The following APBA1 variants were observed in gnomAD, a reference collection of about 807,000 sequenced individuals.
APBA1 encodes the protein amyloid beta precursor protein binding family A member 1, also known as amyloid-beta A4 precursor protein-binding family A member 1.
A neutral mutation model predicts 86.6 loss-of-function variants in APBA1; 55 were observed. The ratio of observed to expected loss-of-function variants is 0.64; its 90% CI spans 0.51 to 0.80. APBA1 has a LOEUF of 0.80. Ranked by LOEUF, APBA1 falls within the 30% of genes least tolerant of loss-of-function variation. The pLI, the probability that APBA1 is intolerant of heterozygous loss-of-function variation, is 0.00. For missense variants in APBA1, 1,090 were observed against 1,183.0 expected (o/e 0.92, Z 1.15); for synonymous variants, 511 against 493.9 (o/e 1.03, Z -0.46).
chr9:69,653,551 CAT>C (rs1588413757), intron 1 of APBA1, among the ~76,000 whole-genome samples: 1 of 152,170 alleles, frequency 6.6e-6, no homozygotes, highest in African/African-American at 2.4e-5. Context: ...GGATAGACCA[CAT>C]GTTAAGTCAC....
At chr9:69,671,667 G>A (rs932332127) in intron 1 of APBA1, among the ~76,000 whole-genome samples, 5 of 152,134 alleles carry the variant, frequency 3.3e-5, no homozygotes. Flanking sequence ...CTATCCCACT[G>A]CCTCCCTCCA....
intron 1 of APBA1, among the ~76,000 whole-genome samples, chr9:69,552,970 C>A (rs1410394977): frequency 1.4e-5 from 2 of 144,128 alleles, no homozygotes; most frequent in Non-Finnish European, 3.0e-5. Flanking sequence ...GTGGCACAAT[C>A]TCAGATCATT....
At chr9:69,636,559 G>A (rs1344497582) in intron 1 of APBA1, among the ~76,000 whole-genome samples, 1 of 151,894 alleles carries the variant, frequency 6.6e-6, no homozygotes, top group African/African-American at 2.4e-5. Flanking sequence ...ACTTTGGGAG[G>A]CTGAGGCGAG....
intron 10 of APBA1, among the ~76,000 whole-genome samples, chr9:69,441,858 C>T (rs984275526): frequency 1.1e-4 from 16 of 152,292 alleles, no homozygotes; most frequent in African/African-American, 3.8e-4. Flanking sequence ...AGCTGATCTT[C>T]GACTATAAAA....
Position 69,450,326 on chromosome 9 carries a change from G to A in APBA1, c.1969-530C>T, listed in dbSNP as rs111717773. ...ATGCTGAAGTTATCACAACCAAAAG[G>A]CTGGGTGTGCACACAGGAAGTGCAT... On this transcript the variant is annotated intron_variant, in intron 9 of 12. Coordinates refer to ENST00000265381, the MANE Select transcript of APBA1 (RefSeq NM_001163.4). Among the ~76,000 whole-genome samples the A allele has an allele frequency of 2.6e-3, 403 of 152,212 alleles. 2 individuals are homozygous for A. The highest frequency in any genetic ancestry group is 9.0e-3 in the African/African-American group (372 of 41,520).
At chr9:69,432,874 C>T (rs773975761) in intron 11 of APBA1, among the ~76,000 whole-genome samples, 198 bp from the exon 12 acceptor site, 5 of 152,182 alleles carry the variant, frequency 3.3e-5, no homozygotes, top group Admixed American at 6.5e-5. Context: ...CTTGTTCATG[C>T]GGCTTGCACA....
intron 8 of APBA1, 119 bp downstream of exon 8, chr9:69,456,128 C>G: frequency 8.7e-7 from 1 of 1,143,082 alleles, no homozygotes; most frequent in Non-Finnish European, 1.3e-6. Flanking sequence ...GGAACAGTGC[C>G]TGACACACAG....
chr9:69,637,893 A>G (rs1329390172), intron 1 of APBA1, among the ~76,000 whole-genome samples: 2 of 152,248 alleles, frequency 1.3e-5, no homozygotes, highest in Non-Finnish European at 2.9e-5. Flanking sequence ...GGAAGGCAGG[A>G]CATATGAAAT....
intron 1 of APBA1, among the ~76,000 whole-genome samples, chr9:69,634,189 C>T (rs1429291952): frequency 6.6e-6 from 1 of 152,212 alleles, no homozygotes; most frequent in Non-Finnish European, 1.5e-5. Flanking sequence ...CATCCCCTGG[C>T]AACGACCATG....
chr9:69,435,509 T>C (rs1298805368), intron 11 of APBA1, among the ~76,000 whole-genome samples: 1 of 152,192 alleles, frequency 6.6e-6, no homozygotes, highest in Non-Finnish European at 1.5e-5. Context: ...AGATGGTATC[T>C]CATTGTGGTT....
chr9:69,660,755 A>G (rs1048347050), intron 1 of APBA1, among the ~76,000 whole-genome samples: 3 of 152,240 alleles, frequency 2.0e-5, no homozygotes, highest in African/African-American at 7.2e-5. Flanking sequence ...TTTCTTGGGC[A>G]TATAGAATAT....
At position 69,627,541 on chromosome 9, in the gene APBA1, G is replaced by A. The variant is rs1458019728; in HGVS notation, c.-70+44612C>T. On this transcript the variant is annotated intron_variant, in intron 1 of 12. Transcript: ENST00000265381. Reference sequence around the variant, plus strand: ...TCTGATGGTGTGTGTGTGCCATCTGGGTGTCAATTTGTTGTGATAACCTAA... The same window carrying A: ...TCTGATGGTGTGTGTGTGCCATCTGAGTGTCAATTTGTTGTGATAACCTAA... Among the ~76,000 whole-genome samples the A allele has an allele frequency of 2.0e-5, 3 of 152,154 alleles. No individual in the cohort carries two copies. The East Asian group carries it at 5.8e-4, about 29-fold the overall frequency.
At position 69,431,231 on chromosome 9, in the gene APBA1, G is replaced by A. The variant is rs529811156; in HGVS notation, c.*96C>T. On this transcript the variant is annotated 3_prime_UTR_variant, in exon 13 of 13. Transcript: ENST00000265381. ...CTGTGTAAAACCAAATGCTGGGCGC[G>A]AGAGGGGAAAGTCTCAGTGGACACA... 1.5e-4 allele frequency: 134 copies of A among 920,120 alleles called. No individual in the cohort carries two copies. In the African/African-American group the frequency reaches 1.9e-3, roughly 13 times the overall value. The allele number at this position is 920,120 out of a possible 1,614,324, so 57.0% of individuals were successfully genotyped here.
At chr9:69,482,105 G>A (rs1835520584) in intron 2 of APBA1, among the ~76,000 whole-genome samples, 1 of 151,780 alleles carries the variant, frequency 6.6e-6, no homozygotes, top group Non-Finnish European at 1.5e-5. Context: ...GGCAACAAAA[G>A]CCAAAATGGA....
rs367746529 is a variant in APBA1, at chr9:69,527,316, G to A, written c.-69-10037C>T. On this transcript the variant is annotated intron_variant, in intron 1 of 12. Coordinates refer to ENST00000265381, the MANE Select transcript of APBA1 (RefSeq NM_001163.4). ...TTAATATTATTATTTCCTAAATAAG[G>A]CTATGTAGGGTTGGAAAACAAGCAG... Among the ~76,000 whole-genome samples, 59 of 152,142 alleles carry A rather than the reference G, an allele frequency of 3.9e-4. No individual in the cohort carries two copies. The South Asian group carries it at 9.8e-3, about 25-fold the overall frequency.
At chr9:69,604,100 C>T (rs1382145412) in intron 1 of APBA1, among the ~76,000 whole-genome samples, 3 of 152,306 alleles carry the variant, frequency 2.0e-5, no homozygotes, top group East Asian at 3.9e-4. Context: ...ATAGTGAGGA[C>T]AAGTCTCAAA....
At chr9:69,434,101 C>T (rs1024727862) in intron 11 of APBA1, among the ~76,000 whole-genome samples, 3 of 152,224 alleles carry the variant, frequency 2.0e-5, no homozygotes, top group African/African-American at 4.8e-5. Context: ...ACTCAAATAC[C>T]AAACTGTTCG....
chr9:69,458,160 T>A lies in APBA1; in HGVS notation c.1511A>T (p.Lys504Met), dbSNP rs762770097. 53 of 1,612,038 alleles carry A rather than the reference T, an allele frequency of 3.3e-5. No homozygotes were observed. The Admixed American group carries it at 5.2e-4, about 16-fold the overall frequency. The change falls in exon 6 of 13, where the codon AAG (lysine) becomes ATG (methionine). Residue 504 changes from lysine to methionine, a missense_variant. Around this residue, in one of 6 missense-constraint regions of APBA1, gnomAD observed 76 missense variants for 122.2 expected, o/e 0.62. Coordinates refer to ENST00000265381, the MANE Select transcript of APBA1 (RefSeq NM_001163.4). Reference protein sequence around the residue: ...KMAQKLAKSRKKAPEGESQPM... With the variant: ...KMAQKLAKSRMKAPEGESQPM... ...ATGAAGTTGTTTGTACTGCACCTTC[T>A]TCCTGCTTTTGGCTAATTTCTGGGC... is the stretch of plus-strand genomic sequence containing the variant.
chr9:69,463,586 T>C (rs935367693), intron 5 of APBA1: 3 of 152,190 alleles, frequency 2.0e-5, no homozygotes, highest in Non-Finnish European at 4.4e-5. Context: ...TACTTTGAAA[T>C]GGAAACCTAA....
Sources: allele counts gnomAD v4.1 joint callset (sites outside exome capture counted in the v4.1 genomes callset), GRCh38; gene constraint gnomAD v4.1.1; regional missense constraint gnomAD v4.1.1; transcripts MANE v1.5; gene names NCBI Gene and HGNC (gene_info 2026-07-23, HGNC 2026-07-21).